FER1L6: variants seen among roughly 807,000 people sequenced by gnomAD.
FER1L6 encodes the protein fer-1 like family member 6.
A neutral mutation model predicts 219.2 loss-of-function variants in FER1L6; 177 were observed. That is an observed-to-expected ratio of 0.81 (90% CI 0.71 to 0.91). The LOEUF is 0.91. FER1L6 is among the 40% of genes least tolerant of loss of function. The probability of loss-of-function intolerance (pLI) is 0.00; values close to 1 mark genes in which losing one functional copy is unlikely to be tolerated. For missense variants in FER1L6, 2,153 were observed against 2,259.9 expected (o/e 0.95, Z 0.96); for synonymous variants, 768 against 824.3 (o/e 0.93, Z 1.17).
At chr8:123,866,317 TTA>T (rs541869895) in intron 1 of FER1L6, among the ~76,000 whole-genome samples, 3 of 151,276 alleles carry the variant, frequency 2.0e-5, no homozygotes, top group South Asian at 2.1e-4. Context: ...TATATATATT[TTA>T]TATATATATA....
chr8:124,112,071 C>T lies in FER1L6; in HGVS notation c.5290-6773C>T, dbSNP rs892039096. On this transcript the variant is annotated intron_variant, in intron 39 of 40. Coordinates refer to ENST00000522917, the MANE Select transcript of FER1L6 (RefSeq NM_001039112.2). The stretch of plus-strand genomic sequence containing the variant: ...GGTGTAATGGAAAACTCCTGCCATA[C>T]CTGGGGGCACTTCTGTTTCCATGTG... Among the ~76,000 whole-genome samples, 3 of 152,178 alleles carry T rather than the reference C, an allele frequency of 2.0e-5. 1 individual carries two copies. Among genetic ancestry groups the T allele is most frequent in the Non-Finnish European group, 4.4e-5 (3 of 68,028 alleles).
At chr8:124,060,104 G>A in intron 22 of FER1L6, 76 bp from the exon 23 acceptor site, 3 of 1,027,486 alleles carry the variant, frequency 2.9e-6, no homozygotes, top group Non-Finnish European at 4.6e-6. Context: ...ACATCTTACT[G>A]ATGAGGTGGT....
chr8:124,013,777 T>A, intron 15 of FER1L6: 1 of 267,188 alleles, frequency 3.7e-6, no homozygotes, highest in Non-Finnish European at 7.2e-6. Context: ...AGAGACTCTG[T>A]AGGAAACAAG....
chr8:123,885,746 G>A (rs1189913352), intron 1 of FER1L6, among the ~76,000 whole-genome samples: 8 of 152,092 alleles, frequency 5.3e-5, no homozygotes, highest in Non-Finnish European at 1.2e-4. Context: ...AGAAAGCCTG[G>A]GCCAGGGGCG....
chr8:123,975,901 C>G lies in FER1L6; in HGVS notation c.687C>G (p.Asn229Lys), dbSNP rs370630712. Reference sequence around the variant, plus strand: ...TTTGTTTTTGTCTCCCTCTAAGGAACCTTTTGATCCCCAATGGGTTTCCAC... The same window carrying G: ...TTTGTTTTTGTCTCCCTCTAAGGAAGCTTTTGATCCCCAATGGGTTTCCAC... Reference protein sequence around the residue: ...TSDTEEPIEKNLLIPNGFPLE... With the variant: ...TSDTEEPIEKKLLIPNGFPLE... Residue 229 changes from asparagine (N) to lysine (K), a missense_variant, in exon 9 of 41, where the codon AAC becomes AAG. Asn to Lys is a moderately conservative substitution (Grantham distance 94, BLOSUM62 0). Transcript: ENST00000522917. 1 of 1,574,870 alleles carries G rather than the reference C, an allele frequency of 6.3e-7. No homozygotes were observed. Among genetic ancestry groups the G allele is most frequent in the Non-Finnish European group, 8.6e-7 (1 of 1,158,050 alleles).
intron 22 of FER1L6, among the ~76,000 whole-genome samples, chr8:124,057,146 A>T (rs1465662660): frequency 6.6e-6 from 1 of 152,228 alleles, no homozygotes; most frequent in Non-Finnish European, 1.5e-5. Context: ...CAGAGTTCAC[A>T]CTTACCTCTT....
intron 5 of FER1L6, among the ~76,000 whole-genome samples, chr8:123,968,366 C>T (rs963896774): frequency 1.3e-5 from 2 of 152,116 alleles, no homozygotes; most frequent in African/African-American, 4.8e-5. Flanking sequence ...AACTCTTGAC[C>T]TAAATATTCA....
At chr8:123,890,193 A>C (rs1812616381) in intron 1 of FER1L6, among the ~76,000 whole-genome samples, 1 of 152,132 alleles carries the variant, frequency 6.6e-6, no homozygotes, top group Non-Finnish European at 1.5e-5. Flanking sequence ...CTAGCCCTAA[A>C]GTACTTACTG....
intron 2 of FER1L6, among the ~76,000 whole-genome samples, chr8:123,959,351 C>A (rs1174578581): frequency 1.3e-5 from 2 of 152,198 alleles, no homozygotes; most frequent in African/African-American, 2.4e-5. Flanking sequence ...TCACTGGAAG[C>A]TTGAAACTCG....
At chr8:124,116,210 A>T (rs1823236546) in intron 39 of FER1L6, among the ~76,000 whole-genome samples, 2 of 152,256 alleles carry the variant, frequency 1.3e-5, no homozygotes, top group African/African-American at 4.8e-5. Context: ...CCTTGGCTGT[A>T]AAATGGTAAT....
intron 20 of FER1L6, among the ~76,000 whole-genome samples, chr8:124,042,014 T>C (rs1819522220): frequency 6.6e-6 from 1 of 152,152 alleles, no homozygotes; most frequent in South Asian, 2.1e-4. Context: ...TGACTGCTTG[T>C]TGTTGTTGTA....
At chr8:123,868,580 C>G (rs1252550938) in intron 1 of FER1L6, among the ~76,000 whole-genome samples, 2 of 152,142 alleles carry the variant, frequency 1.3e-5, no homozygotes, top group Non-Finnish European at 2.9e-5. Context: ...TTTTCTGCTG[C>G]CTGCTCACAC....
At chr8:123,979,168 C>G (rs1022351712) in intron 10 of FER1L6, among the ~76,000 whole-genome samples, 1 of 152,116 alleles carries the variant, frequency 6.6e-6, no homozygotes, top group Non-Finnish European at 1.5e-5. Flanking sequence ...ATCTAATTGT[C>G]AACACTGGGG....
chr8:124,037,182 C>T (rs1819256318), intron 19 of FER1L6, among the ~76,000 whole-genome samples: 1 of 152,194 alleles, frequency 6.6e-6, no homozygotes, highest in South Asian at 2.1e-4. Context: ...TTGTGCAGTG[C>T]ACAGCTTGTG....
intron 6 of FER1L6, among the ~76,000 whole-genome samples, chr8:123,973,013 T>C (rs1815891322): frequency 6.6e-6 from 1 of 152,168 alleles, no homozygotes; most frequent in South Asian, 2.1e-4. Context: ...TTCAAGGCAA[T>C]ATGTGATGAG....
chr8:124,003,166 G>A lies in FER1L6; in HGVS notation c.1520-1G>A, dbSNP rs371133986. 6 of 1,613,290 alleles carry A rather than the reference G, an allele frequency of 3.7e-6. No individual in the cohort carries two copies. The highest frequency in any genetic ancestry group is 5.1e-6 in the Non-Finnish European group (6 of 1,179,514). ...CTTTCCCCTTGCTACTGCCTCTGCAGGTAATTTTGGAAACCTGATTGATGG... is the reference window on the plus strand; with the variant it reads ...CTTTCCCCTTGCTACTGCCTCTGCAAGTAATTTTGGAAACCTGATTGATGG... On this transcript the variant is annotated splice_acceptor_variant, in intron 12 of 40. Transcript: ENST00000522917. LOFTEE classifies it high-confidence loss of function.
chr8:123,981,815 T>C (rs1269907127), intron 11 of FER1L6, among the ~76,000 whole-genome samples: 1 of 152,182 alleles, frequency 6.6e-6, no homozygotes, highest in Non-Finnish European at 1.5e-5. Context: ...AAATAGTTAA[T>C]AATTACCCTG....
chr8:123,966,145 G>A lies in FER1L6; in HGVS notation c.253-14G>A, dbSNP rs771201288. On this transcript the variant is annotated splice_polypyrimidine_tract_variant and intron_variant, in intron 4 of 40. Coordinates refer to ENST00000522917, the MANE Select transcript of FER1L6 (RefSeq NM_001039112.2). ...CGGTGTCCGGAATGGTGTCCACACT[G>A]CTTTGTGTTGCAGATTGCCATAACC... is the stretch of plus-strand genomic sequence containing the variant. 3 of 1,613,966 alleles carry A rather than the reference G, an allele frequency of 1.9e-6. No individual in the cohort carries two copies. The highest frequency in any genetic ancestry group is 1.7e-5 in the Admixed American group (1 of 60,004).
intron 18 of FER1L6, among the ~76,000 whole-genome samples, chr8:124,030,719 C>A (rs1333052574): frequency 6.6e-6 from 1 of 152,168 alleles, no homozygotes; most frequent in African/African-American, 2.4e-5. Context: ...TCCTAGGATG[C>A]AGCAGGAAGT....
Sources: allele counts gnomAD v4.1 joint callset (sites outside exome capture counted in the v4.1 genomes callset), GRCh38; gene constraint gnomAD v4.1.1; transcripts MANE v1.5; gene names NCBI Gene and HGNC (gene_info 2026-07-23, HGNC 2026-07-21).